Variants in PLA2G4E observed in about 807,000 individuals in gnomAD.
PLA2G4E encodes the protein cytosolic phospholipase A2 epsilon.
PLA2G4E carries 84 observed loss-of-function variants against 109.1 expected under a neutral mutation model. The observed-to-expected ratio is 0.77, with a 90% confidence interval of 0.65 to 0.92. PLA2G4E has a LOEUF of 0.92. Ranked by LOEUF, PLA2G4E falls within the 40% of genes least tolerant of loss-of-function variation. The probability of loss-of-function intolerance (pLI) is 0.00; values close to 1 mark genes in which losing one functional copy is unlikely to be tolerated. For missense variants in PLA2G4E, 1,057 were observed against 1,076.6 expected, an observed-to-expected ratio of 0.98 and a Z score of 0.25; for synonymous variants, 469 against 436.1, an observed-to-expected ratio of 1.08 and a Z score of -0.94.
Position 41,989,398 on chromosome 15 carries a change from A to T in PLA2G4E, c.1723+17T>A, listed in dbSNP as rs761077889. 1.2e-6 allele frequency: 2 copies of T among 1,613,582 alleles called. No homozygotes were observed. The highest frequency in any genetic ancestry group is 2.7e-5 in the African/African-American group (2 of 74,938). On this transcript the variant is annotated intron_variant, in intron 15 of 19. Transcript: ENST00000399518. ...GGCAGCAGCCCCCTGTCATTCCGCC[A>T]GTTGCAAGGCAGTCACCTAGCATGT... is the stretch of plus-strand genomic sequence containing the variant.
At chr15:42,027,792 C>T (rs543072142) in intron 1 of PLA2G4E, among the ~76,000 whole-genome samples, 7 of 150,836 alleles carry the variant, frequency 4.6e-5, no homozygotes, top group South Asian at 4.2e-4. Flanking sequence ...AGTCCTTGAC[C>T]GCACTCTGTT....
At chr15:41,996,379 A>AAAAAAAAAG (rs2068341412) in intron 11 of PLA2G4E, among the ~76,000 whole-genome samples, 2 of 116,816 alleles carry the variant, frequency 1.7e-5, no homozygotes, top group East Asian at 2.5e-4. Context: ...AAAAAAAAAA[A>AAAAAAAAAG]GGAGGGAGGA....
At chr15:42,040,217 CCT>C (rs1296757047) in intron 1 of PLA2G4E, among the ~76,000 whole-genome samples, 51 of 151,174 alleles carry the variant, frequency 3.4e-4, no homozygotes, top group African/African-American at 1.3e-3. Context: ...CACACACACA[CCT>C]ACACACACAC....
exon 1 of PLA2G4E, chr15:42,050,559 G>A: frequency 6.4e-7 from 1 of 1,550,606 alleles, no homozygotes; most frequent in South Asian, 1.2e-5. Context: ...AAAGGTGGGA[G>A]ACCAGGAGTG....
At position 42,050,553 on chromosome 15, in the gene PLA2G4E, G is replaced by C. The variant is rs1372308367; in HGVS notation, c.151C>G (p.Pro51Ala). Residue 51 changes from proline (P) to alanine (A), a missense_variant, in exon 1 of 20, where the codon CCT becomes GCT. Coordinates refer to ENST00000399518, the Ensembl canonical transcript of PLA2G4E. ...CCCCAAGGAGCCATAGGACAGAAAG[G>C]TGGGAGACCAGGAGTGTCCAGGTCC... 6.4e-7 allele frequency: 1 copy of C among 1,550,470 alleles called. No homozygotes were observed. Among genetic ancestry groups the C allele is most frequent in the Non-Finnish European group, 8.7e-7 (1 of 1,146,994 alleles).
At chr15:41,984,456 A>C in exon 19 of PLA2G4E, 1 of 1,613,250 alleles carries the variant, frequency 6.2e-7, no homozygotes. Flanking sequence ...GTATTTTCGG[A>C]AAGTGTCATT....
chr15:42,023,908 C>T (rs1220536933), intron 1 of PLA2G4E, among the ~76,000 whole-genome samples: 2 of 152,208 alleles, frequency 1.3e-5, no homozygotes, highest in Non-Finnish European at 2.9e-5. Flanking sequence ...TCTTCCCCCA[C>T]ATCCTCTGTG....
intron 2 of PLA2G4E, among the ~76,000 whole-genome samples, chr15:42,012,226 C>T (rs952656089): frequency 6.6e-6 from 1 of 152,182 alleles, no homozygotes. Context: ...TCCGCACCTG[C>T]ACTCTAGCAC....
chr15:41,987,874 C>T (rs1236293041), intron 16 of PLA2G4E, among the ~76,000 whole-genome samples, 175 bp downstream of exon 16: 1 of 151,850 alleles, frequency 6.6e-6, no homozygotes, highest in Non-Finnish European at 1.5e-5. Flanking sequence ...CATCACCCAG[C>T]CATGAGGGAA....
chr15:41,989,603 C>T, intron 14 of PLA2G4E, 51 bp from the exon 15 acceptor site: 1 of 1,571,298 alleles, frequency 6.4e-7, no homozygotes, highest in Non-Finnish European at 8.6e-7. Context: ...GGGAGCCGTC[C>T]ACACAGCCGG....
intron 1 of PLA2G4E, among the ~76,000 whole-genome samples, chr15:42,031,898 A>T (rs1889120830): frequency 6.6e-6 from 1 of 152,204 alleles, no homozygotes; most frequent in Non-Finnish European, 1.5e-5. Flanking sequence ...TCCAAATCTC[A>T]TGTTGAAATG....
intron 5 of PLA2G4E, among the ~76,000 whole-genome samples, chr15:42,003,958 C>T (rs144109765): frequency 6.6e-6 from 1 of 152,230 alleles, no homozygotes; most frequent in Non-Finnish European, 1.5e-5. Context: ...TCCAGACCTC[C>T]AGCTCTCTGA....
chr15:42,049,075 A>G lies in PLA2G4E; in HGVS notation c.183+1446T>C, dbSNP rs909038661. Among the ~76,000 whole-genome samples the G allele has an allele frequency of 2.0e-5, 3 of 152,352 alleles. No individual in the cohort carries two copies. The East Asian group carries it at 5.8e-4, about 29-fold the overall frequency. ...TAGCCGATGAGACACAGAGACTTCT[A>G]GAACGGAGGCAGAGTCAGGAAGAGG... On this transcript the variant is annotated intron_variant, in intron 1 of 19. Transcript: ENST00000399518.
intron 1 of PLA2G4E, among the ~76,000 whole-genome samples, chr15:42,025,676 T>G (rs1004725210): frequency 6.6e-6 from 1 of 152,228 alleles, no homozygotes; most frequent in Non-Finnish European, 1.5e-5. Context: ...TTTTACTGCC[T>G]GCTCTTTCTG....
chr15:41,995,209 C>T, intron 12 of PLA2G4E, 151 bp downstream of exon 12: 2 of 1,057,662 alleles, frequency 1.9e-6, no homozygotes, highest in South Asian at 1.6e-5. Context: ...AAGCTGCATG[C>T]CCAAGGCCAC....
chr15:42,037,980 G>A (rs1216942246), intron 1 of PLA2G4E, among the ~76,000 whole-genome samples: 1 of 152,210 alleles, frequency 6.6e-6, no homozygotes, highest in African/African-American at 2.4e-5. Context: ...TGGGCAGAAC[G>A]AACCCAGCGG....
intron 1 of PLA2G4E, among the ~76,000 whole-genome samples, chr15:42,033,958 G>C (rs1889161425): frequency 6.6e-6 from 1 of 152,178 alleles, no homozygotes; most frequent in South Asian, 2.1e-4. Flanking sequence ...ATTGGGTGGA[G>C]TGGGAGAGAG....
At chr15:42,035,964 A>G (rs555103109) in intron 1 of PLA2G4E, among the ~76,000 whole-genome samples, 3 of 151,256 alleles carry the variant, frequency 2.0e-5, no homozygotes, top group African/African-American at 7.3e-5. Context: ...AAGCTAGGTA[A>G]CATACAAATA....
chr15:42,022,336 T>A (rs2068656010), intron 1 of PLA2G4E, among the ~76,000 whole-genome samples: 1 of 152,204 alleles, frequency 6.6e-6, no homozygotes, highest in Non-Finnish European at 1.5e-5. Flanking sequence ...CAGGGACTGG[T>A]TTCACCGAGG....
Sources: allele counts gnomAD v4.1 joint callset (sites outside exome capture counted in the v4.1 genomes callset), GRCh38; gene constraint gnomAD v4.1.1; transcripts MANE v1.5; gene names NCBI Gene and HGNC (gene_info 2026-07-23, HGNC 2026-07-21).